The following CCBE1 variants were observed in gnomAD, a reference collection of about 807,000 sequenced individuals.
CCBE1 encodes the protein collagen and calcium binding EGF domains 1.
Under a neutral mutation model 50.0 loss-of-function variants are expected in CCBE1, and 37 were observed. The observed-to-expected ratio is 0.74, with a 90% confidence interval of 0.57 to 0.97. The LOEUF (loss-of-function observed/expected upper bound fraction) is 0.97, where lower values mean the gene tolerates loss of function less well. CCBE1 is among the 50% of genes least tolerant of loss of function. The probability of loss-of-function intolerance (pLI) is 0.00; values close to 1 mark genes in which losing one functional copy is unlikely to be tolerated. For missense variants in CCBE1, 538 were observed against 523.8 expected (o/e 1.03, Z -0.26); for synonymous variants, 234 against 203.7 (o/e 1.15, Z -1.27).
At chr18:59,466,666 A>G (rs962254620) in intron 5 of CCBE1, 73 bp downstream of exon 5, 1 of 938,544 alleles carries the variant, frequency 1.1e-6, no homozygotes, top group Admixed American at 2.4e-5. Context: ...TAATATATAA[A>G]CCCCCAAACT....
intron 6 of CCBE1, among the ~76,000 whole-genome samples, chr18:59,452,245 G>A (rs960126807): frequency 3.9e-5 from 6 of 152,146 alleles, no homozygotes; most frequent in Non-Finnish European, 5.9e-5. Flanking sequence ...TTGGGCAGAT[G>A]TCCTATGTTC....
At chr18:59,560,579 C>A (rs1244209213) in intron 2 of CCBE1, among the ~76,000 whole-genome samples, 4 of 152,172 alleles carry the variant, frequency 2.6e-5, no homozygotes, top group Non-Finnish European at 5.9e-5. Flanking sequence ...AACAAACCTG[C>A]ACGTTCTGCA....
At position 59,480,195 on chromosome 18, in the gene CCBE1, T is replaced by C; in HGVS notation, c.256A>G (p.Ile86Val). The change falls in exon 3 of 11, where the codon ATC becomes GTC. Residue 86 changes from isoleucine (I) to valine (V), a missense_variant. Physicochemically the swap from Ile to Val is conservative, Grantham distance 29 (BLOSUM62 3). Transcript: ENST00000439986. ...KGYKFVLGQC[I>V]PEDYDVCAEA... ...TTTTTATATTACATACCTTCTGGGA[T>C]GCATTGTCCAAGAACAAATTTATAT... is the stretch of plus-strand genomic sequence containing the variant. The C allele has an allele frequency of 6.3e-7, 1 of 1,591,810 alleles. No homozygotes were observed. Among genetic ancestry groups the C allele is most frequent in the Non-Finnish European group, 8.6e-7 (1 of 1,160,188 alleles).
rs75060739 is a variant in CCBE1, at chr18:59,574,643, T to C, written c.213-94405A>G. On this transcript the variant is annotated intron_variant, in intron 2 of 10. Transcript: ENST00000439986. ...TAGAAATAAAAAATGTGCTGGTTAA[T>C]GTAACTTTCATGAAGCAGATTTGCA... Among the ~76,000 whole-genome samples the C allele has an allele frequency of 9.1e-3, 1,380 of 152,340 alleles. 25 individuals carry two copies. Among genetic ancestry groups the C allele is most frequent in the African/African-American group, 0.032 (1,339 of 41,572 alleles).
intron 2 of CCBE1, among the ~76,000 whole-genome samples, chr18:59,573,928 G>T (rs558258080): frequency 6.6e-6 from 1 of 152,282 alleles, no homozygotes; most frequent in South Asian, 2.1e-4. Context: ...CATGTAATAG[G>T]TATGAAATAT....
intron 7 of CCBE1, among the ~76,000 whole-genome samples, chr18:59,443,620 C>T (rs1910541914): frequency 1.4e-5 from 2 of 140,370 alleles, no homozygotes; most frequent in South Asian, 2.3e-4. Context: ...GTGCCCACCA[C>T]CACCCCCGGC....
intron 2 of CCBE1, among the ~76,000 whole-genome samples, chr18:59,548,831 G>A (rs1448433448): frequency 2.6e-5 from 4 of 152,128 alleles, no homozygotes; most frequent in African/African-American, 7.2e-5. Flanking sequence ...AATACTGTAT[G>A]CAATTGTAAC....
In CCBE1 at chr18:59,550,998, C is replaced by CAAAAAAAAAAAAAAAAAAAAAAAA. The variant is rs555160847; in HGVS notation, c.213-70784_213-70761dup. Reference sequence around the variant, plus strand: ...CCAGCCTGGGCAACACAGCGAGACTCAAAAAAAAAAAAAAAAAAAAAAAAA... The same window carrying CAAAAAAAAAAAAAAAAAAAAAAAA: ...CCAGCCTGGGCAACACAGCGAGACTCAAAAAAAAAAAAAAAAAAAAAAAAAAAAAAAAAAAAAAAAAAAAAAAAA... On this transcript the variant is annotated intron_variant, in intron 2 of 10. Coordinates refer to ENST00000439986, the MANE Select transcript of CCBE1 (RefSeq NM_133459.4). Among the ~76,000 whole-genome samples, 60 of 71,354 alleles carry CAAAAAAAAAAAAAAAAAAAAAAAA rather than the reference C, an allele frequency of 8.4e-4. 1 individual carries two copies. The highest frequency in any genetic ancestry group is 1.1e-3 in the Non-Finnish European group (43 of 39,048). The allele number at this position is 71,354 out of a possible 152,430, so 46.8% of individuals were successfully genotyped here. A position where few individuals can be genotyped will look rare whatever the true frequency, so the allele number is the denominator to read the frequency against.
rs946574888 is a variant in CCBE1, at chr18:59,432,273, T to C, written c.*3635A>G. On this transcript the variant is annotated 3_prime_UTR_variant, in exon 11 of 11. Coordinates refer to ENST00000439986, the MANE Select transcript of CCBE1 (RefSeq NM_133459.4). ...CTGTGCCTGGCCCCATGCACTATTT[T>C]CAACAGCATATTTTTATTCCCATTG... 1 of 152,226 alleles carries C rather than the reference T, an allele frequency of 6.6e-6. No homozygotes were observed. The highest frequency in any genetic ancestry group is 2.4e-5 in the African/African-American group (1 of 41,444). 9.4% of individuals were successfully genotyped at this position (152,226 alleles called of 1,614,324 possible). A position where few individuals can be genotyped will look rare whatever the true frequency, so the allele number is the denominator to read the frequency against.
chr18:59,657,448 G>A (rs2054206010), intron 2 of CCBE1, among the ~76,000 whole-genome samples: 1 of 152,250 alleles, frequency 6.6e-6, no homozygotes. Flanking sequence ...AGGGCCCTAT[G>A]CAGTTTTCTT....
chr18:59,651,220 CTACT>C (rs2144666481), intron 2 of CCBE1, among the ~76,000 whole-genome samples: 1 of 152,312 alleles, frequency 6.6e-6, no homozygotes, highest in African/African-American at 2.4e-5. Flanking sequence ...AAAATACGTT[CTACT>C]TACTTAGGAA....
intron 2 of CCBE1, among the ~76,000 whole-genome samples, chr18:59,672,917 G>A (rs758355193): frequency 6.6e-6 from 1 of 152,098 alleles, no homozygotes; most frequent in Non-Finnish European, 1.5e-5. Context: ...TATTGCTCGG[G>A]TGATAGGTAC....
At chr18:59,543,846 A>AAAAAAAG (rs1555690346) in intron 2 of CCBE1, among the ~76,000 whole-genome samples, 18 of 140,580 alleles carry the variant, frequency 1.3e-4, no homozygotes, top group South Asian at 4.4e-4. Context: ...AAAAAAAAAA[A>AAAAAAAG]AAAAAAAAAA....
chr18:59,434,267 A>T lies in CCBE1; in HGVS notation c.*1641T>A, dbSNP rs1910056365. 6.6e-6 allele frequency: 1 copy of T among 152,380 alleles called. No homozygotes were observed. Among genetic ancestry groups the T allele is most frequent in the South Asian group, 2.1e-4 (1 of 4,826 alleles). 9.4% of individuals were successfully genotyped at this position (152,380 alleles called of 1,614,324 possible). A position where few individuals can be genotyped will look rare whatever the true frequency, so the allele number is the denominator to read the frequency against. On this transcript the variant is annotated 3_prime_UTR_variant, in exon 11 of 11. Transcript: ENST00000439986. Reference sequence around the variant, plus strand: ...CTAAAAGGTGGAGGCAAAAAAGCCAAAAAGAAATGGGAAAGGACATGGCAG... The same window carrying T: ...CTAAAAGGTGGAGGCAAAAAAGCCATAAAGAAATGGGAAAGGACATGGCAG...
Position 59,616,494 on chromosome 18 carries a change from A to T in CCBE1, c.212+80135T>A, listed in dbSNP as rs1245350156. ...AGCCGCCCCTTTCCCTTCTCAGAGA[A>T]CATGCCTCCCCAAGGAGGAAACAGG... On this transcript the variant is annotated intron_variant, in intron 2 of 10. Coordinates refer to ENST00000439986, the MANE Select transcript of CCBE1 (RefSeq NM_133459.4). 2.6e-5 allele frequency among the ~76,000 whole-genome samples: 4 copies of T among 152,208 alleles called. No homozygotes were observed. In the East Asian group the frequency reaches 7.7e-4, roughly 29 times the overall value.
intron 2 of CCBE1, among the ~76,000 whole-genome samples, chr18:59,649,287 C>T: frequency 6.6e-6 from 1 of 152,220 alleles, no homozygotes; most frequent in Non-Finnish European, 1.5e-5. Context: ...CCTACTGGGA[C>T]TCCATCAGTT....
chr18:59,675,720 T>C (rs114449899), intron 2 of CCBE1, among the ~76,000 whole-genome samples: 211 of 152,262 alleles, frequency 1.4e-3, no homozygotes, highest in African/African-American at 5.0e-3. Flanking sequence ...AGTTATCAAA[T>C]ACAAAAATTA....
intron 3 of CCBE1, among the ~76,000 whole-genome samples, chr18:59,477,163 C>G (rs570577586): frequency 9.8e-5 from 15 of 152,302 alleles, no homozygotes. Flanking sequence ...GGTGACTGAT[C>G]CTGGCTACCA....
intron 2 of CCBE1, among the ~76,000 whole-genome samples, chr18:59,556,875 C>T (rs2052664166): frequency 6.6e-6 from 1 of 152,226 alleles, no homozygotes; most frequent in South Asian, 2.1e-4. Flanking sequence ...CATTTTCAAA[C>T]TCTGCTGCAT....
Sources: allele counts gnomAD v4.1 joint callset (sites outside exome capture counted in the v4.1 genomes callset), GRCh38; gene constraint gnomAD v4.1.1; transcripts MANE v1.5; gene names NCBI Gene and HGNC (gene_info 2026-07-23, HGNC 2026-07-21).